Variants in ANO2 observed in about 807,000 individuals in gnomAD.
The protein encoded by ANO2 is anoctamin-2.
Under a neutral mutation model 124.2 loss-of-function variants are expected in ANO2, and 101 were observed. That is an observed-to-expected ratio of 0.81 (90% CI 0.69 to 0.96). ANO2 has a LOEUF of 0.96. Among genes scored for constraint, ANO2 ranks in the 40% least tolerant of loss-of-function variants. The pLI, the probability that ANO2 is intolerant of heterozygous loss-of-function variation, is 0.00. For missense variants in ANO2, 1,293 were observed against 1,274.5 expected, an observed-to-expected ratio of 1.01 and a Z score of -0.22; for synonymous variants, 486 against 482.5, an observed-to-expected ratio of 1.01 and a Z score of -0.09.
intron 1 of ANO2, among the ~76,000 whole-genome samples, chr12:5,940,089 GGATA>G (rs750951775): frequency 1.6e-5 from 2 of 125,058 alleles, no homozygotes; most frequent in Admixed American, 7.5e-5. Context: ...ATGGATGGAT[GGATA>G]GATGGATGGA....
At chr12:5,856,626 C>A (rs933944406) in intron 3 of ANO2, 9 of 152,312 alleles carry the variant, frequency 5.9e-5, no homozygotes, top group Admixed American at 2.6e-4. Flanking sequence ...GTCCCCTTAA[C>A]CCGCTGCCTG....
intron 16 of ANO2, among the ~76,000 whole-genome samples, chr12:5,625,367 TGAGAGA>T (rs57475041): frequency 2.0e-5 from 3 of 146,516 alleles, no homozygotes; most frequent in Non-Finnish European, 3.0e-5. Context: ...ATCCTAGGGG[TGAGAGA>T]GAGAGAGAGA....
At chr12:5,827,693 AG>A in intron 7 of ANO2, 75 bp downstream of exon 7, 1 of 1,494,650 alleles carries the variant, frequency 6.7e-7, no homozygotes, top group Non-Finnish European at 9.1e-7. Flanking sequence ...CTGCCGACCA[AG>A]GGAGCTGTTG....
At chr12:5,870,979 A>G (rs1188553355) in intron 3 of ANO2, among the ~76,000 whole-genome samples, 1 of 152,234 alleles carries the variant, frequency 6.6e-6, no homozygotes, top group Non-Finnish European at 1.5e-5. Context: ...GTTTTGATCT[A>G]ACAGAATCAG....
intron 20 of ANO2, among the ~76,000 whole-genome samples, chr12:5,593,190 T>C (rs1171627245): frequency 5.9e-5 from 9 of 152,228 alleles, no homozygotes; most frequent in Non-Finnish European, 1.0e-4. Flanking sequence ...ACTGTGTGAA[T>C]GAATGACAGA....
rs138566440 is a variant in ANO2, at chr12:5,649,835, G to A, written c.1546-2034C>T. On this transcript the variant is annotated intron_variant, in intron 14 of 24. Coordinates refer to ENST00000682330, the MANE Select transcript of ANO2 (RefSeq NM_001364791.2). ...GTGTGTGTATTTTTTTAGTAAAGACGGGATTTCACCATATTAGCCAGGATG... is the reference window on the plus strand; with the variant it reads ...GTGTGTGTATTTTTTTAGTAAAGACAGGATTTCACCATATTAGCCAGGATG... Among the ~76,000 whole-genome samples the A allele has an allele frequency of 4.1e-3, 631 of 152,088 alleles. 4 individuals are homozygous for A. The highest frequency in any genetic ancestry group is 7.5e-3 in the Non-Finnish European group (511 of 67,990).
intron 3 of ANO2, among the ~76,000 whole-genome samples, chr12:5,891,102 T>C (rs992990004): frequency 2.0e-5 from 3 of 152,186 alleles, no homozygotes; most frequent in African/African-American, 7.2e-5. Context: ...TCTCCTTCTA[T>C]GCCACCTCAA....
chr12:5,867,697 A>G (rs1955462408), intron 3 of ANO2, among the ~76,000 whole-genome samples: 1 of 149,970 alleles, frequency 6.7e-6, no homozygotes, highest in African/African-American at 2.4e-5. Context: ...AATAAAGGCT[A>G]TCGAATTAGC....
intron 7 of ANO2, among the ~76,000 whole-genome samples, chr12:5,820,109 C>T (rs922060784): frequency 2.6e-4 from 40 of 152,252 alleles, no homozygotes; most frequent in South Asian, 1.5e-3. Flanking sequence ...AATCAATTTC[C>T]GGACTTGAGC....
At position 5,719,344 on chromosome 12, in the gene ANO2, A is replaced by G. The variant is rs137925913; in HGVS notation, c.1545+13176T>C. ...ACTCACAGTTGGAGCTGCCCATAAC[A>G]GTGACTGACAGGACCTCACATAAAC... On this transcript the variant is annotated intron_variant, in intron 14 of 24. Transcript: ENST00000682330. 2.9e-3 allele frequency among the ~76,000 whole-genome samples: 444 copies of G among 152,280 alleles called. 2 individuals carry two copies. Among genetic ancestry groups the G allele is most frequent in the African/African-American group, 0.01 (423 of 41,556 alleles).
At chr12:5,915,097 A>C (rs11063912) in intron 3 of ANO2, among the ~76,000 whole-genome samples, 26,034 of 152,130 alleles carry the variant, frequency 0.17, 2,607 homozygotes, top group South Asian at 0.26. Context: ...ATTAGCCCCC[A>C]ACTCTGACAC....
Position 5,599,522 on chromosome 12 carries a change from T to A in ANO2, c.2195A>T (p.Glu732Val). Residue 732 changes from glutamate (E) to valine (V), a missense_variant, in exon 20 of 25, where the codon GAA becomes GTA. Glu to Val is a moderately radical substitution (Grantham distance 121). Coordinates refer to ENST00000682330, the MANE Select transcript of ANO2 (RefSeq NM_001364791.2). Reference sequence around the variant, plus strand: ...CTCCGGAGTCAGTCCTGTGTATGGTTCCAAGCTGTAGTCTAGGTCCCACTG... The same window carrying A: ...CTCCGGAGTCAGTCCTGTGTATGGTACCAAGCTGTAGTCTAGGTCCCACTG... ...PEQWDLDYSL[E>V]PYTGLTPEYM... The A allele has an allele frequency of 6.2e-7, 1 of 1,613,664 alleles. No individual in the cohort carries two copies. Among genetic ancestry groups the A allele is most frequent in the Admixed American group, 1.7e-5 (1 of 59,924 alleles).
intron 17 of ANO2, 121 bp downstream of exon 17, chr12:5,615,065 G>C: frequency 3.1e-6 from 2 of 648,878 alleles, no homozygotes; most frequent in Non-Finnish European, 5.3e-6. Context: ...GGTGAAAGTG[G>C]GGCGGAGAAG....
At chr12:5,684,729 T>A (rs1399838973) in intron 14 of ANO2, among the ~76,000 whole-genome samples, 1 of 152,172 alleles carries the variant, frequency 6.6e-6, no homozygotes, top group East Asian at 1.9e-4. Context: ...CTTTCCTATG[T>A]GCTATATTGA....
chr12:5,636,252 C>T lies in ANO2; in HGVS notation c.1621-905G>A, dbSNP rs1245861436. 6.6e-6 allele frequency among the ~76,000 whole-genome samples: 1 copy of T among 152,124 alleles called. No individual in the cohort carries two copies. Among genetic ancestry groups the T allele is most frequent in the South Asian group, 2.1e-4 (1 of 4,820 alleles). On this transcript the variant is annotated intron_variant, in intron 15 of 24. Coordinates refer to ENST00000682330, the MANE Select transcript of ANO2 (RefSeq NM_001364791.2). This position sits in a 1 kb window ranked among gnomAD's most constrained non-coding sequence, Gnocchi z 4.6. ...ACAGCCCCTCTTCCTTCTTCTGTCC[C>T]CACGTCCCCTCCTGTCCCCATCGCA... is the stretch of plus-strand genomic sequence containing the variant.
At chr12:5,901,304 A>G (rs1448732995) in intron 3 of ANO2, among the ~76,000 whole-genome samples, 2 of 152,194 alleles carry the variant, frequency 1.3e-5, no homozygotes, top group Non-Finnish European at 2.9e-5. Context: ...TCTGGTGACA[A>G]AGAAATTGCT....
chr12:5,872,411 A>T (rs1312669166), intron 3 of ANO2, among the ~76,000 whole-genome samples: 2 of 152,080 alleles, frequency 1.3e-5, no homozygotes, highest in East Asian at 1.9e-4. Context: ...CAACCCTTTT[A>T]AGGTACTGGA....
At chr12:5,887,466 C>T (rs1218620931) in intron 3 of ANO2, among the ~76,000 whole-genome samples, 1 of 152,162 alleles carries the variant, frequency 6.6e-6, no homozygotes, top group Non-Finnish European at 1.5e-5. Context: ...TCAGGGTTGC[C>T]CATGTTTCCC....
Position 5,565,575 on chromosome 12 carries a change from A to G in ANO2, c.2710T>C (p.Phe904Leu). 6.2e-7 allele frequency: 1 copy of G among 1,602,238 alleles called. No homozygotes were observed. The highest frequency in any genetic ancestry group is 8.5e-7 in the Non-Finnish European group (1 of 1,173,992). Reference protein sequence around the residue: ...YWFILSARLAFVIIFQNLVMF... With the variant: ...YWFILSARLALVIIFQNLVMF... ...CAACTCACCTGGAAGATTATGACAAAAGCCAGACGGGCGGACAGAATAAAC... is the reference window on the plus strand; with the variant it reads ...CAACTCACCTGGAAGATTATGACAAGAGCCAGACGGGCGGACAGAATAAAC... Residue 904 changes from phenylalanine (F) to leucine (L), a missense_variant, in exon 24 of 25, where the codon TTT becomes CTT. Coordinates refer to ENST00000682330, the MANE Select transcript of ANO2 (RefSeq NM_001364791.2).
Sources: gnomAD v4.1 joint callset for allele counts (sites outside exome capture counted in the v4.1 genomes callset) on GRCh38, gnomAD v4.1.1 for gene constraint, Gnocchi (gnomAD v3.1) non-coding constraint, MANE v1.5 for transcripts, NCBI Gene and HGNC (gene_info 2026-07-23, HGNC 2026-07-21) for gene names.